The following HLA-DQB2 variants were observed in gnomAD, a reference collection of about 807,000 sequenced individuals.
HLA-DQB2 encodes major histocompatibility complex, class II, DQ beta 2, also known as HLA class II histocompatibility antigen, DQ beta 2 chain.
In HLA-DQB2, 24 loss-of-function variants were observed where a neutral mutation model predicts 29.2. The ratio of observed to expected loss-of-function variants is 0.82; its 90% CI spans 0.60 to 1.16. HLA-DQB2 has a LOEUF of 1.16. HLA-DQB2 is among the 50% of genes most tolerant of loss of function. The pLI is 0.00. For synonymous variants in HLA-DQB2, 104 were observed against 133.1 expected, an observed-to-expected ratio of 0.78 and a Z score of 1.51; for missense variants, 273 against 343.6, an observed-to-expected ratio of 0.79 and a Z score of 1.62.
At position 32,761,809 on chromosome 6, in the gene HLA-DQB2, A is replaced by G. The variant is rs764659256; in HGVS notation, c.215T>C (p.Val72Ala). The G allele has an allele frequency of 4.4e-6, 7 of 1,599,648 alleles. No homozygotes were observed. Among genetic ancestry groups the G allele is most frequent in the South Asian group, 1.1e-5 (1 of 88,798 alleles). The change falls in exon 2 of 6, where the codon GTT (valine) becomes GCT (alanine). Residue 72 changes from valine to alanine, a missense_variant. Val to Ala is a moderately conservative substitution (Grantham distance 64, BLOSUM62 0). Coordinates refer to ENST00000437316, the MANE Select transcript of HLA-DQB2 (RefSeq NM_001300790.2). Reference sequence around the variant, plus strand: ...CTCGGTCACCGCCTGGAACTCCCCAACGTCGCTGTCGAAGCGCCCGTACTC... The same window carrying G: ...CTCGGTCACCGCCTGGAACTCCCCAGCGTCGCTGTCGAAGCGCCCGTACTC... ...REEYGRFDSDVGEFQAVTELG... is the reference protein window; with the variant it reads ...REEYGRFDSDAGEFQAVTELG...
At chr6:32,761,625 A>G (rs1764823360) in intron 2 of HLA-DQB2, 35 bp downstream of exon 2, 1 of 1,524,984 alleles carries the variant, frequency 6.6e-7, no homozygotes, top group Non-Finnish European at 8.8e-7. Context: ...GGCCCCGGCC[A>G]AGGGTGAGCC....
intron 2 of HLA-DQB2, 68 bp from the exon 3 acceptor site, chr6:32,759,199 G>C: frequency 6.7e-7 from 1 of 1,483,156 alleles, no homozygotes; most frequent in Non-Finnish European, 9.1e-7. Context: ...CGCCTGCTGT[G>C]AGGAAGGTCC....
Position 32,756,165 on chromosome 6 carries a change from C to A in HLA-DQB2, c.*288G>T. ...CAGGTAAATGATTTTGTTTGTCATG[C>A]TTCTCTTGACAGGTCTGTGGGGGGA... On this transcript the variant is annotated 3_prime_UTR_variant, in exon 6 of 6. Coordinates refer to ENST00000437316, the MANE Select transcript of HLA-DQB2 (RefSeq NM_001300790.2). 1 of 462,538 alleles carries A rather than the reference C, an allele frequency of 2.2e-6. No homozygotes were observed. Among genetic ancestry groups the A allele is most frequent in the Non-Finnish European group, 3.8e-6 (1 of 262,660 alleles). The allele number at this position is 462,538 out of a possible 1,614,324, so 28.7% of individuals were successfully genotyped here. A position where few individuals can be genotyped will look rare whatever the true frequency, so the allele number is the denominator to read the frequency against.
intron 2 of HLA-DQB2, among the ~76,000 whole-genome samples, chr6:32,759,848 C>A (rs1247132445): frequency 0.069 from 8,181 of 118,694 alleles, no homozygotes; most frequent in Middle Eastern, 0.1. Flanking sequence ...CAAACATATA[C>A]ATATAGCTGG....
At chr6:32,758,371 C>A (rs78631708) in intron 3 of HLA-DQB2, among the ~76,000 whole-genome samples, 2,332 of 152,256 alleles carry the variant, frequency 0.015, 35 homozygotes, top group Middle Eastern at 0.061. Flanking sequence ...CTCTCTCATG[C>A]TCCTGCCCCT....
At chr6:32,759,237 C>T (rs878880734) in intron 2 of HLA-DQB2, 106 bp from the exon 3 acceptor site, 242,678 of 1,284,992 alleles carry the variant, frequency 0.19, 9 homozygotes, top group Non-Finnish European at 0.2. Context: ...AGAAAGATAC[C>T]TGGAGTCCAA....
chr6:32,756,258 G>C lies in HLA-DQB2; in HGVS notation c.*195C>G. The C allele has an allele frequency of 1.6e-6, 1 of 608,930 alleles. No individual in the cohort carries two copies. The highest frequency in any genetic ancestry group is 2.1e-5 in the South Asian group (1 of 48,768). 37.7% of individuals were successfully genotyped at this position (608,930 alleles called of 1,614,324 possible). A position where few individuals can be genotyped will look rare whatever the true frequency, so the allele number is the denominator to read the frequency against. On this transcript the variant is annotated 3_prime_UTR_variant, in exon 6 of 6. Coordinates refer to ENST00000437316, the MANE Select transcript of HLA-DQB2 (RefSeq NM_001300790.2). Reference sequence around the variant, plus strand: ...CTTGCAGTGCACAGGCAGAGGCTCTGGGTCAGTGCAGGAAGCAGAGTCACC... The same window carrying C: ...CTTGCAGTGCACAGGCAGAGGCTCTCGGTCAGTGCAGGAAGCAGAGTCACC...
chr6:32,763,490 A>AG lies in HLA-DQB2; in HGVS notation c.-21_-20insC, dbSNP rs1562235388. 21 of 1,513,296 alleles carry AG rather than the reference A, an allele frequency of 1.4e-5. No homozygotes were observed. Among genetic ancestry groups the AG allele is most frequent in the Non-Finnish European group, 1.9e-5 (21 of 1,111,802 alleles). 93.7% of individuals were successfully genotyped at this position (1,513,296 alleles called of 1,614,324 possible). A position where few individuals can be genotyped will look rare whatever the true frequency, so the allele number is the denominator to read the frequency against. On this transcript the variant is annotated 5_prime_UTR_variant, in exon 1 of 6. Coordinates refer to ENST00000437316, the MANE Select transcript of HLA-DQB2 (RefSeq NM_001300790.2). ...AGCCATCTTCCAAGACGTAAGTGAG[A>AG]CCAAGGAAAAAGCAGTGGTAGTCAA...
Position 32,758,908 on chromosome 6 carries a change from G to A in HLA-DQB2, c.588C>T (p.Asp196=), listed in dbSNP as rs769047010. 249 of 1,613,254 alleles carry A rather than the reference G, an allele frequency of 1.5e-4. No individual in the cohort carries two copies. Among genetic ancestry groups the A allele is most frequent in the Non-Finnish European group, 2.0e-4 (238 of 1,179,768 alleles). ...GGTGCTCCACTTGGCAGGTGTAGAT[G>A]TCTCCACGCTGGGGAGTTATTTCCA... The part of the protein sequence containing the change: ...VMLEITPQRG[D]IYTCQVEHPS... The change falls in exon 3 of 6, where the codon GAC becomes GAT. Residue 196 remains aspartate, a synonymous_variant. Transcript: ENST00000437316.
At chr6:32,761,322 G>C (rs1246308795) in intron 2 of HLA-DQB2, among the ~76,000 whole-genome samples, 1 of 150,646 alleles carries the variant, frequency 6.6e-6, no homozygotes, top group Non-Finnish European at 1.5e-5. Flanking sequence ...AGAAAGAACT[G>C]CTTAGCGAAG....
chr6:32,756,184 G>T lies in HLA-DQB2; in HGVS notation c.*269C>A, dbSNP rs891530978. Reference sequence around the variant, plus strand: ...GTCATGCTTCTCTTGACAGGTCTGTGGGGGGAGAATGGAAACAGAGATGCC... The same window carrying T: ...GTCATGCTTCTCTTGACAGGTCTGTTGGGGGAGAATGGAAACAGAGATGCC... On this transcript the variant is annotated 3_prime_UTR_variant, in exon 6 of 6. Coordinates refer to ENST00000437316, the MANE Select transcript of HLA-DQB2 (RefSeq NM_001300790.2). The T allele has an allele frequency of 1.6e-5, 8 of 506,432 alleles. No homozygotes were observed. Among genetic ancestry groups the T allele is most frequent in the East Asian group, 6.1e-5 (2 of 33,030 alleles). 31.4% of individuals were successfully genotyped at this position (506,432 alleles called of 1,614,324 possible).
chr6:32,756,934 G>A, intron 5 of HLA-DQB2: 1 of 1,214,894 alleles, frequency 8.2e-7, no homozygotes, highest in Non-Finnish European at 1.0e-6. Flanking sequence ...GTAGAAACTG[G>A]CAAACTTTTC....
rs115793818 is a variant in HLA-DQB2 at position 32,761,836 on chromosome 6, T to C, written c.188A>G (p.Glu63Gly). 13,584 of 1,608,320 alleles carry C rather than the reference T, an allele frequency of 8.4e-3. 82 individuals are homozygous for C. Among genetic ancestry groups the C allele is most frequent in the Middle Eastern group, 9.6e-3 (58 of 6,056 alleles). ...GTCGCTGTCGAAGCGCCCGTACTCC[T>C]CGCGGTTATAGATGTATCTGGCCAC... is the stretch of plus-strand genomic sequence containing the variant. ...RGVARYIYNR[E>G]EYGRFDSDVG... is the part of the protein sequence containing the mutation. The change falls in exon 2 of 6, where the codon GAG (glutamate) becomes GGG (glycine). Residue 63 changes from glutamate to glycine, a missense_variant. Coordinates refer to ENST00000437316, the MANE Select transcript of HLA-DQB2 (RefSeq NM_001300790.2).
chr6:32,763,113 C>G (rs1175636499), intron 1 of HLA-DQB2, among the ~76,000 whole-genome samples: 1 of 152,206 alleles, frequency 6.6e-6, no homozygotes, highest in East Asian at 1.9e-4. Flanking sequence ...TGTCCTGTCA[C>G]AGGTAGTGAA....
Position 32,761,871 on chromosome 6 carries a change from G to C in HLA-DQB2, c.153C>G (p.Arg51=). 6.2e-7 allele frequency: 1 copy of C among 1,612,252 alleles called. No individual in the cohort carries two copies. The highest frequency in any genetic ancestry group is 8.5e-7 in the Non-Finnish European group (1 of 1,179,276). Residue 51 remains arginine, a synonymous_variant, in exon 2 of 6, where the codon CGC becomes CGG. Transcript: ENST00000437316. The part of the protein sequence containing the change: ...GMCYFTNGTE[R]VRGVARYIYN... ...AGATGTATCTGGCCACACCGCGCAC[G>C]CGCTCTGTCCCGTTGGTGAAGTAGC... is the stretch of plus-strand genomic sequence containing the variant.
At chr6:32,759,220 C>T (rs531088872) in intron 2 of HLA-DQB2, 89 bp from the exon 3 acceptor site, 1 of 1,488,502 alleles carries the variant, frequency 6.7e-7, no homozygotes, top group Non-Finnish European at 9.1e-7. Flanking sequence ...CTCCTTGGAA[C>T]CAGAATAGAA....
chr6:32,761,035 G>A (rs180966751), intron 2 of HLA-DQB2, among the ~76,000 whole-genome samples: 5,816 of 121,576 alleles, frequency 0.048, no homozygotes, highest in Middle Eastern at 0.12. Flanking sequence ...TACTAGGCAT[G>A]CAATGATTAA....
At chr6:32,757,494 G>A (rs62396662) in intron 4 of HLA-DQB2, among the ~76,000 whole-genome samples, 190 bp from the exon 5 acceptor site, 19,682 of 149,990 alleles carry the variant, frequency 0.13, 1,381 homozygotes, top group Non-Finnish European at 0.18. Flanking sequence ...CAAGGAGGCC[G>A]AGGCTCTGAC....
intron 1 of HLA-DQB2, 46 bp from the exon 2 acceptor site, chr6:32,761,972 G>GC: frequency 6.4e-7 from 1 of 1,568,466 alleles, no homozygotes; most frequent in Non-Finnish European, 8.6e-7. Context: ...CACGGCCCTA[G>GC]CCCCAGCCCC....
Sources: allele counts gnomAD v4.1 joint callset (sites outside exome capture counted in the v4.1 genomes callset), GRCh38; gene constraint gnomAD v4.1.1; transcripts MANE v1.5; gene names NCBI Gene and HGNC (gene_info 2026-07-23, HGNC 2026-07-21).